The following ARMCX4 variants were observed in gnomAD, a reference collection of about 807,000 sequenced individuals.
The protein encoded by ARMCX4 is armadillo repeat-containing X-linked protein 4.
Under a neutral mutation model 34.7 loss-of-function variants are expected in ARMCX4, and 3 were observed. The observed-to-expected ratio is 0.09, with a 90% CI of 0.04 to 0.22. ARMCX4 has a LOEUF of 0.22. Among genes scored for constraint, ARMCX4 ranks in the 10% least tolerant of loss-of-function variants. The pLI is 1.00. For synonymous variants in ARMCX4, 513 were observed against 632.8 expected (o/e 0.81, Z 2.84); for missense variants, 1,448 against 1,720.8 (o/e 0.84, Z 2.81).
chrX:101,521,024 C>T (rs868977017), intron 11 of ARMCX4, among the ~76,000 whole-genome samples: 4 of 107,805 alleles, frequency 3.7e-5, no homozygotes, highest in African/African-American at 1.0e-4. Context: ...CTCCACCTCC[C>T]GGGTTGAAGC....
At chrX:101,534,914 G>A (rs1260204640), downstream of ARMCX4, among the ~76,000 whole-genome samples, 2 of 111,743 alleles carry the variant, frequency 1.8e-5, no homozygotes, top group Admixed American at 1.9e-4. Flanking sequence ...TGAGTATTTT[G>A]AGCGAACTTC....
At chrX:101,475,970 C>T (rs1242039965) in intron 4 of ARMCX4, among the ~76,000 whole-genome samples, 1 of 111,193 alleles carries the variant, frequency 9.0e-6, no homozygotes, top group Non-Finnish European at 1.9e-5. Context: ...TTAAATTTCA[C>T]AATTGATGTG....
intron 2 of ARMCX4, among the ~76,000 whole-genome samples, chrX:101,437,407 T>G (rs1930871717): frequency 8.9e-6 from 1 of 112,355 alleles, no homozygotes; most frequent in South Asian, 3.6e-4. Context: ...TATCCATTTC[T>G]TCTAGATTTT....
chrX:101,473,637 A>T (rs1316239764), intron 4 of ARMCX4, among the ~76,000 whole-genome samples: 1 of 108,750 alleles, frequency 9.2e-6, no homozygotes, highest in Non-Finnish European at 1.9e-5. Flanking sequence ...TCAAACTAGA[A>T]CTCAGGATTA....
intron 4 of ARMCX4, among the ~76,000 whole-genome samples, chrX:101,474,616 C>T (rs1480759740): frequency 9.5e-6 from 1 of 105,339 alleles, no homozygotes; most frequent in African/African-American, 3.5e-5. Flanking sequence ...CCACCATGAT[C>T]AAGTGGGCTT....
downstream of ARMCX4, among the ~76,000 whole-genome samples, chrX:101,497,855 A>C (rs190528634): frequency 2.0e-4 from 23 of 112,239 alleles, no homozygotes; most frequent in East Asian, 1.9e-3. Context: ...TACTGTAAAA[A>C]AATAATGTCA....
At chrX:101,432,885 T>C (rs1231937567) in intron 2 of ARMCX4, among the ~76,000 whole-genome samples, 3 of 58,618 alleles carry the variant, frequency 5.1e-5, no homozygotes, top group Admixed American at 1.9e-4. Context: ...TATGTATACG[T>C]GTGTATATAT....
At position 101,432,193 on chromosome X, in the gene ARMCX4, C is replaced by A. The variant is rs148799142; in HGVS notation, n.165-11859C>A. ...TGTAGGCAGGTTCACTGAATGACAA[C>A]TTAGCCTTGAAGCCCTCTATGACCA... is the stretch of plus-strand genomic sequence containing the variant. On this transcript the variant is annotated intron_variant and non_coding_transcript_variant, in intron 2 of 3. Coordinates refer to the ARMCX4 transcript ENST00000430461. Among the ~76,000 whole-genome samples the A allele has an allele frequency of 5.2e-3, 584 of 111,803 alleles. 7 individuals are homozygous for A. Among genetic ancestry groups the A allele is most frequent in the African/African-American group, 0.018 (556 of 30,760 alleles).
At chrX:101,518,071 C>T (rs1934778713) in intron 11 of ARMCX4, among the ~76,000 whole-genome samples, 1 of 111,148 alleles carries the variant, frequency 9.0e-6, no homozygotes, top group Non-Finnish European at 1.9e-5. Context: ...GATTTTTTTA[C>T]CCAAAAAAGT....
chrX:101,511,412 T>A (rs1015378230), intron 11 of ARMCX4, among the ~76,000 whole-genome samples: 4 of 111,539 alleles, frequency 3.6e-5, no homozygotes, highest in Non-Finnish European at 7.5e-5. Flanking sequence ...ATATTATATA[T>A]TCTTATCTAT....
intron 2 of ARMCX4, among the ~76,000 whole-genome samples, chrX:101,426,834 T>C (rs1555991091): frequency 9.0e-6 from 1 of 111,694 alleles, no homozygotes; most frequent in African/African-American, 3.3e-5. Context: ...CCCATGATCT[T>C]AACCATCACT....
At chrX:101,505,861 G>A (rs1934437151) in intron 8 of ARMCX4, among the ~76,000 whole-genome samples, 1 of 111,578 alleles carries the variant, frequency 9.0e-6, no homozygotes, top group African/African-American at 3.3e-5. Context: ...TATTTTTTGA[G>A]ATGGATTTTC....
intron 2 of ARMCX4, among the ~76,000 whole-genome samples, chrX:101,423,829 C>T (rs1473245708): frequency 3.6e-5 from 4 of 109,870 alleles, no homozygotes. Flanking sequence ...TGTAATCAAT[C>T]ATGCCTACAT....
At chrX:101,496,495 G>A (rs1934181113), downstream of ARMCX4, among the ~76,000 whole-genome samples, 1 of 111,597 alleles carries the variant, frequency 9.0e-6, no homozygotes, top group Admixed American at 9.6e-5. Flanking sequence ...GATGTATTCT[G>A]GAGACATACA....
intron 4 of ARMCX4, among the ~76,000 whole-genome samples, chrX:101,467,154 A>G (rs1381618978): frequency 8.9e-6 from 1 of 112,013 alleles, no homozygotes; most frequent in African/African-American, 3.2e-5. Context: ...TTAAAAGCCT[A>G]TGATTTTTCT....
chrX:101,431,376 C>G (rs1365121923), intron 2 of ARMCX4, among the ~76,000 whole-genome samples: 2 of 111,944 alleles, frequency 1.8e-5, no homozygotes, highest in African/African-American at 6.5e-5. Flanking sequence ...ATTAACTGCA[C>G]CTTGCACAGA....
chrX:101,503,556 A>T (rs1934361531), intron 7 of ARMCX4, among the ~76,000 whole-genome samples: 2 of 111,948 alleles, frequency 1.8e-5, no homozygotes, highest in South Asian at 7.4e-4. Context: ...GCATTTTTTC[A>T]TGTGTCTTTT....
At chrX:101,480,421 C>T (rs1468040498) in intron 4 of ARMCX4, among the ~76,000 whole-genome samples, 11 of 110,622 alleles carry the variant, frequency 9.9e-5, no homozygotes, top group Non-Finnish European at 2.1e-4. Flanking sequence ...TAAAAATTAG[C>T]TGGGCGTGGT....
intron 11 of ARMCX4, among the ~76,000 whole-genome samples, chrX:101,513,923 G>A (rs1934653263): frequency 9.1e-6 from 1 of 109,387 alleles, no homozygotes; most frequent in Non-Finnish European, 1.9e-5. Context: ...TTAGTACTAA[G>A]GGATACTAGT....
Sources: gnomAD v4.1 joint callset for allele counts (sites outside exome capture counted in the v4.1 genomes callset) on GRCh38, gnomAD v4.1.1 for gene constraint, MANE v1.5 for transcripts, NCBI Gene and HGNC (gene_info 2026-07-23, HGNC 2026-07-21) for gene names.